The following PRPF38B variants were observed in gnomAD, a reference collection of about 807,000 sequenced individuals.
PRPF38B encodes pre-mRNA processing factor 38B, also known as pre-mRNA-splicing factor 38B.
In PRPF38B, 18 loss-of-function variants were observed where a neutral mutation model predicts 67.2. The ratio of observed to expected loss-of-function variants is 0.27; its 90% CI spans 0.19 to 0.40. The LOEUF is 0.40. Ranked by LOEUF, PRPF38B falls within the 10% of genes least tolerant of loss-of-function variation. The pLI is 1.00. For synonymous variants in PRPF38B, 246 were observed against 234.2 expected (o/e 1.05, Z -0.46); for missense variants, 544 against 684.9 (o/e 0.79, Z 2.30).
chr1:108,698,964 T>G (rs1471557135), intron 5 of PRPF38B, 137 bp downstream of exon 5: 1 of 1,329,442 alleles, frequency 7.5e-7, no homozygotes, highest in Non-Finnish European at 1.0e-6. Flanking sequence ...CCCCAAAGAT[T>G]ATTTTCTTCC....
chr1:108,694,659 C>T (rs2101035292), intron 1 of PRPF38B, among the ~76,000 whole-genome samples: 1 of 152,190 alleles, frequency 6.6e-6, no homozygotes, highest in South Asian at 2.1e-4. Flanking sequence ...TACATGCACG[C>T]TTTTCTATCT....
In PRPF38B at chr1:108,701,097, G is replaced by A. The variant is rs1054900027; in HGVS notation, c.*1077G>A. The A allele has an allele frequency of 3.9e-5, 6 of 152,698 alleles. No individual in the cohort carries two copies. Among genetic ancestry groups the A allele is most frequent in the African/African-American group, 1.4e-4 (6 of 41,560 alleles). 9.5% of individuals were successfully genotyped at this position (152,698 alleles called of 1,614,324 possible). A position where few individuals can be genotyped will look rare whatever the true frequency, so the allele number is the denominator to read the frequency against. The stretch of plus-strand genomic sequence containing the variant: ...TGTGCTGCATTATTTAAGACTATCA[G>A]CAAATTATTTGATAGATTGTTCTTA... On this transcript the variant is annotated 3_prime_UTR_variant, in exon 6 of 6. Transcript: ENST00000370025.
In PRPF38B at chr1:108,699,480, T is replaced by C; in HGVS notation, c.1101T>C (p.Asp367=). The C allele has an allele frequency of 6.2e-7, 1 of 1,600,012 alleles. No individual in the cohort carries two copies. The highest frequency in any genetic ancestry group is 8.5e-7 in the Non-Finnish European group (1 of 1,173,320). ...AAAATGAGAGAGGTAGAAGACGAGATCGTGACTATGATAAGGAAAGAGGAA... is the reference window on the plus strand; with the variant it reads ...AAAATGAGAGAGGTAGAAGACGAGACCGTGACTATGATAAGGAAAGAGGAA... ...EKENERGRRR[D]RDYDKERGNE... is the part of the protein sequence containing the mutation. The change falls in exon 6 of 6, where the codon GAT becomes GAC. Residue 367 remains aspartate, a synonymous_variant. Transcript: ENST00000370025.
At chr1:108,693,083 C>G (rs1437343068) in intron 1 of PRPF38B, among the ~76,000 whole-genome samples, 1 of 152,230 alleles carries the variant, frequency 6.6e-6, no homozygotes, top group African/African-American at 2.4e-5. Flanking sequence ...GAGCCCGCCA[C>G]TATTGATCTC....
At chr1:108,693,231 A>G (rs1411529459) in intron 1 of PRPF38B, among the ~76,000 whole-genome samples, 2 of 152,126 alleles carry the variant, frequency 1.3e-5, no homozygotes, top group African/African-American at 4.8e-5. Context: ...CTGAGCGCCA[A>G]CTTGTTGGTG....
At position 108,696,279 on chromosome 1, in the gene PRPF38B, A is replaced by T. The variant is rs1237439036; in HGVS notation, c.500A>T (p.Tyr167Phe). ...ATAATAGTCTTTTGTAATTCTAGAT[A>T]TACACAGCCCCCTACAGATCTGTGG... Reference protein sequence around the residue: ...IRALGFMYIRYTQPPTDLWDW... With the variant: ...IRALGFMYIRFTQPPTDLWDW... Residue 167 changes from tyrosine to phenylalanine, a missense_variant and splice_region_variant, in exon 4 of 6, where the codon TAT (tyrosine) becomes TTT (phenylalanine). By Grantham distance (22) the Tyr-to-Phe change is conservative. Transcript: ENST00000370025. 6.2e-7 allele frequency: 1 copy of T among 1,612,536 alleles called. No homozygotes were observed. The highest frequency in any genetic ancestry group is 1.3e-5 in the African/African-American group (1 of 74,892).
rs1331955858 is a variant in PRPF38B, at chr1:108,699,577, G to A, written c.1198G>A (p.Glu400Lys). 6.4e-7 allele frequency: 1 copy of A among 1,553,118 alleles called. No homozygotes were observed. The highest frequency in any genetic ancestry group is 1.4e-5 in the African/African-American group (1 of 73,006). ...KEQRSRGEVEEKKHKEDKDDR... is the reference protein window; with the variant it reads ...KEQRSRGEVEKKKHKEDKDDR... ...ACAGAGAAGTAGGGGAGAGGTAGAA[G>A]AGAAGAAACATAAAGAAGACAAAGA... Residue 400 changes from glutamate (E) to lysine (K), a missense_variant, in exon 6 of 6, where the codon GAG becomes AAG. Coordinates refer to ENST00000370025, the MANE Select transcript of PRPF38B (RefSeq NM_018061.4).
intron 1 of PRPF38B, among the ~76,000 whole-genome samples, chr1:108,694,764 T>A (rs1659693413): frequency 6.6e-6 from 1 of 151,272 alleles, no homozygotes; most frequent in Non-Finnish European, 1.5e-5. Flanking sequence ...TTTATGTTTT[T>A]AAAAAAAAAC....
chr1:108,701,816 TTC>T lies in PRPF38B; in HGVS notation c.*1798_*1799del, dbSNP rs1426628263. Reference sequence around the variant, plus strand: ...ATTCTTCTAAAAATGATATGCTTTTTTCTTTTTTAAGAAAATTCCTTTGTCTT... The same window carrying T: ...ATTCTTCTAAAAATGATATGCTTTTTTTTTTTAAGAAAATTCCTTTGTCTT... On this transcript the variant is annotated 3_prime_UTR_variant, in exon 6 of 6. Transcript: ENST00000370025. 3 of 152,218 alleles carry T rather than the reference TTC, an allele frequency of 2.0e-5. No homozygotes were observed. The highest frequency in any genetic ancestry group is 7.2e-5 in the African/African-American group (3 of 41,452). The allele number at this position is 152,218 out of a possible 1,614,324, so 9.4% of individuals were successfully genotyped here.
Position 108,692,344 on chromosome 1 carries a change from G to T in PRPF38B, c.-248G>T. The stretch of plus-strand genomic sequence containing the variant: ...CCAGGGGCAGTTGGCGGAAGAGATC[G>T]AGCTCCCTGGCTGCCGGCTCGCCTT... On this transcript the variant is annotated 5_prime_UTR_variant, in exon 1 of 6. Transcript: ENST00000370025. 3 of 548,784 alleles carry T rather than the reference G, an allele frequency of 5.5e-6. No homozygotes were observed. Among genetic ancestry groups the T allele is most frequent in the South Asian group, 2.3e-5 (1 of 43,876 alleles). 34.0% of individuals were successfully genotyped at this position (548,784 alleles called of 1,614,324 possible).
Position 108,692,699 on chromosome 1 carries a change from G to A in PRPF38B, c.108G>A (p.Lys36=), listed in dbSNP as rs1297844037. 6.2e-7 allele frequency: 1 copy of A among 1,613,366 alleles called. No homozygotes were observed. Among genetic ancestry groups the A allele is most frequent in the Non-Finnish European group, 8.5e-7 (1 of 1,180,038 alleles). Residue 36 remains lysine (K), a synonymous_variant, in exon 1 of 6, where the codon AAG becomes AAA. Transcript: ENST00000370025. ...AGTGCGGCGGCGGCGGCGCTACCAAGCCGGCGGTCTCCGGCAAGCAGGGCA... is the reference window on the plus strand; with the variant it reads ...AGTGCGGCGGCGGCGGCGCTACCAAACCGGCGGTCTCCGGCAAGCAGGGCA... The part of the protein sequence containing the change: ...QQQCGGGGAT[K]PAVSGKQGNV...
At position 108,692,391 on chromosome 1, in the gene PRPF38B, T is replaced by C. The variant is rs951928300; in HGVS notation, c.-201T>C. ...CCTTCTGCGTGGAGTTCTCGCGGTC[T>C]GGGTTTCGCTGTCTGCTCTTGGCCC... is the stretch of plus-strand genomic sequence containing the variant. On this transcript the variant is annotated 5_prime_UTR_variant, in exon 1 of 6. Transcript: ENST00000370025. 3.3e-6 allele frequency: 2 copies of C among 605,638 alleles called. No homozygotes were observed. The highest frequency in any genetic ancestry group is 5.7e-6 in the Non-Finnish European group (2 of 353,222). The allele number at this position is 605,638 out of a possible 1,614,324, so 37.5% of individuals were successfully genotyped here.
At chr1:108,698,849 G>A (rs1394706803) in intron 5 of PRPF38B, 22 bp downstream of exon 5, 12 of 1,573,718 alleles carry the variant, frequency 7.6e-6, no homozygotes, top group Non-Finnish European at 9.6e-6. Context: ...CTTGAATTAT[G>A]CTTATTTTTC....
intron 5 of PRPF38B, 144 bp from the exon 6 acceptor site, chr1:108,699,018 C>G: frequency 6.9e-7 from 1 of 1,458,230 alleles, no homozygotes; most frequent in South Asian, 1.5e-5. Flanking sequence ...TAAATGAGAA[C>G]AATAAAATTT....
chr1:108,699,747 A>G lies in PRPF38B; in HGVS notation c.1368A>G (p.Ser456=). Residue 456 remains serine, a synonymous_variant, in exon 6 of 6, where the codon TCA becomes TCG. Transcript: ENST00000370025. ...GTAGAAGTAGAAGCAAAGAGAAATC[A>G]AGTAAACATAAAAATGAAAGTAAAG... is the stretch of plus-strand genomic sequence containing the variant. The part of the protein sequence containing the change: ...KRSRSRSKEK[S]SKHKNESKEK... 6.2e-7 allele frequency: 1 copy of G among 1,613,770 alleles called. No individual in the cohort carries two copies. Among genetic ancestry groups the G allele is most frequent in the Non-Finnish European group, 8.5e-7 (1 of 1,179,944 alleles).
At position 108,702,666 on chromosome 1, in the gene PRPF38B, T is replaced by C. The variant is rs375929014; in HGVS notation, c.*2646T>C. Among the ~76,000 whole-genome samples the C allele has an allele frequency of 9.2e-5, 14 of 152,158 alleles. No individual in the cohort carries two copies. In the East Asian group the frequency reaches 2.1e-3, roughly 23 times the overall value. Reference sequence around the variant, plus strand: ...GTGGGGGACTAGGGGAGGGATAATATTAGGAGAAATACCTAATGTAGATGA... The same window carrying C: ...GTGGGGGACTAGGGGAGGGATAATACTAGGAGAAATACCTAATGTAGATGA... On this transcript the variant is annotated 3_prime_UTR_variant, in exon 6 of 6. Transcript: ENST00000370025.
At position 108,692,349 on chromosome 1, in the gene PRPF38B, C is replaced by G. The variant is rs191320841; in HGVS notation, c.-243C>G. 191 of 556,214 alleles carry G rather than the reference C, an allele frequency of 3.4e-4. 2 individuals are homozygous for G. The East Asian group carries it at 5.9e-3, about 17-fold the overall frequency. 34.5% of individuals were successfully genotyped at this position (556,214 alleles called of 1,614,324 possible). ...GGCAGTTGGCGGAAGAGATCGAGCTCCCTGGCTGCCGGCTCGCCTTCTGCG... is the reference window on the plus strand; with the variant it reads ...GGCAGTTGGCGGAAGAGATCGAGCTGCCTGGCTGCCGGCTCGCCTTCTGCG... On this transcript the variant is annotated 5_prime_UTR_variant, in exon 1 of 6. Transcript: ENST00000370025.
chr1:108,696,262 C>G lies in PRPF38B; in HGVS notation c.498-15C>G, dbSNP rs1659851207. On this transcript the variant is annotated splice_polypyrimidine_tract_variant and intron_variant, in intron 3 of 5. Transcript: ENST00000370025. ...TAATTCACATGTGTTTAATAATAGT[C>G]TTTTGTAATTCTAGATATACACAGC... is the stretch of plus-strand genomic sequence containing the variant. 6.2e-7 allele frequency: 1 copy of G among 1,611,708 alleles called. No individual in the cohort carries two copies. Among genetic ancestry groups the G allele is most frequent in the Non-Finnish European group, 8.5e-7 (1 of 1,178,334 alleles).
chr1:108,693,466 G>A (rs999450791), intron 1 of PRPF38B: 44 of 294,906 alleles, frequency 1.5e-4, no homozygotes, highest in African/African-American at 9.3e-4. Flanking sequence ...TGTGCATTGG[G>A]CTAATTTAGA....
Sources: gnomAD v4.1 joint callset for allele counts (sites outside exome capture counted in the v4.1 genomes callset) on GRCh38, gnomAD v4.1.1 for gene constraint, MANE v1.5 for transcripts, NCBI Gene and HGNC (gene_info 2026-07-23, HGNC 2026-07-21) for gene names.